The following GLB1 variants were observed in gnomAD, a reference collection of about 807,000 sequenced individuals.
GLB1 encodes the protein galactosidase beta 1, also known as beta-galactosidase.
In GLB1, 56 loss-of-function variants were observed where a neutral mutation model predicts 74.0. That is an observed-to-expected ratio of 0.76 (90% CI 0.61 to 0.94). The LOEUF (loss-of-function observed/expected upper bound fraction) is 0.94, where lower values mean the gene tolerates loss of function less well. Ranked by LOEUF, GLB1 falls within the 40% of genes least tolerant of loss-of-function variation. The pLI is 0.00. For missense variants in GLB1, 787 were observed against 845.5 expected (o/e 0.93, Z 0.86); for synonymous variants, 323 against 323.6 (o/e 1.00, Z 0.02).
At chr3:33,025,220 C>T (rs1697688211) in intron 10 of GLB1, among the ~76,000 whole-genome samples, 1 of 152,234 alleles carries the variant, frequency 6.6e-6, no homozygotes, top group Non-Finnish European at 1.5e-5. Context: ...GCTCGGATTA[C>T]AGGCGTGAGC....
chr3:33,006,675 G>A (rs1192848170), intron 15 of GLB1, among the ~76,000 whole-genome samples: 1 of 152,134 alleles, frequency 6.6e-6, no homozygotes, highest in Non-Finnish European at 1.5e-5. Context: ...ATTCACATCT[G>A]GCATTAACCA....
At chr3:33,064,429 G>C (rs1699579935) in intron 5 of GLB1, among the ~76,000 whole-genome samples, 3 of 114,538 alleles carry the variant, frequency 2.6e-5, no homozygotes, top group African/African-American at 1.0e-4. Context: ...GACAGAGCGA[G>C]ACTCTGTCTC....
At chr3:33,057,062 C>T (rs1027289453) in intron 6 of GLB1, among the ~76,000 whole-genome samples, 3 of 152,182 alleles carry the variant, frequency 2.0e-5, no homozygotes, top group East Asian at 1.9e-4. Flanking sequence ...TGGTGGCAGG[C>T]GACTGGATCG....
intron 10 of GLB1, among the ~76,000 whole-genome samples, chr3:33,044,538 A>T (rs1698664756): frequency 6.6e-6 from 1 of 152,138 alleles, no homozygotes; most frequent in African/African-American, 2.4e-5. Flanking sequence ...ACAAACATAC[A>T]AGGGAGAGCT....
chr3:33,092,120 T>A, intron 1 of GLB1: 1 of 985,556 alleles, frequency 1.0e-6, no homozygotes. Context: ...TAAGCAGCCA[T>A]GTTCTCACCA....
At chr3:33,094,395 A>G in intron 1 of GLB1, 1 of 1,331,370 alleles carries the variant, frequency 7.5e-7, no homozygotes, top group South Asian at 2.5e-5. Context: ...TGCCCAACCC[A>G]CCTTGAATCC....
chr3:32,991,261 G>A, the GLB1 span, among the ~76,000 whole-genome samples: 1 of 152,076 alleles, frequency 6.6e-6, no homozygotes, highest in Non-Finnish European at 1.5e-5. Context: ...GAGACAAAGG[G>A]ATCCAATTCA....
At chr3:33,091,119 G>C (rs1357225622) in intron 1 of GLB1, 1 of 985,296 alleles carries the variant, frequency 1.0e-6, no homozygotes, top group African/African-American at 1.7e-5. Flanking sequence ...CTTAAAGGGA[G>C]TAAGGATGAT....
chr3:33,013,060 G>A (rs770761827), intron 15 of GLB1, among the ~76,000 whole-genome samples: 53 of 152,160 alleles, frequency 3.5e-4, no homozygotes, highest in Non-Finnish European at 6.9e-4. Flanking sequence ...AAACTTTAAC[G>A]TGGCCTATAA....
intron 9 of GLB1, among the ~76,000 whole-genome samples, chr3:33,048,094 CA>C (rs1698815011): frequency 6.6e-6 from 1 of 152,172 alleles, no homozygotes; most frequent in South Asian, 2.1e-4. Flanking sequence ...GCTTGCACCT[CA>C]GGGGCAGAGA....
At chr3:33,014,934 T>C (rs1220169363) in intron 14 of GLB1, among the ~76,000 whole-genome samples, 1 of 152,176 alleles carries the variant, frequency 6.6e-6, no homozygotes, top group Non-Finnish European at 1.5e-5. Flanking sequence ...GCCACTGTAC[T>C]CCAGCCTGGG....
At chr3:33,096,190 G>T in intron 1 of GLB1, 1 of 171,170 alleles carries the variant, frequency 5.8e-6, no homozygotes, top group Non-Finnish European at 1.2e-5. Context: ...CAGAGGAGCA[G>T]CTTGCAACTA....
At chr3:33,091,222 A>G in intron 1 of GLB1, 1 of 985,480 alleles carries the variant, frequency 1.0e-6, no homozygotes, top group Non-Finnish European at 1.2e-6. Flanking sequence ...TTTCAACTCA[A>G]AGATACATTT....
At chr3:32,967,935 C>G in the GLB1 span, among the ~76,000 whole-genome samples, 1 of 152,174 alleles carries the variant, frequency 6.6e-6, no homozygotes, top group African/African-American at 2.4e-5. Context: ...GGCAGGGAAG[C>G]CTGTCCCATA....
At chr3:33,095,891 G>C (rs1575505223) in intron 1 of GLB1, among the ~76,000 whole-genome samples, 1 of 152,174 alleles carries the variant, frequency 6.6e-6, no homozygotes, top group Admixed American at 6.5e-5. Context: ...TACATACTGG[G>C]GTAGGGGAAC....
In GLB1 at chr3:33,093,346, C is replaced by A. The variant is rs751403656; in HGVS notation, c.75+3665G>T. 1 of 1,614,206 alleles carries A rather than the reference C, an allele frequency of 6.2e-7. No individual in the cohort carries two copies. The highest frequency in any genetic ancestry group is 8.5e-7 in the Non-Finnish European group (1 of 1,180,044). ...AGAAGTGCAAACCAGTTGCTGACATCTGACGTGTAGTACTCATGATTGCCT... is the reference window on the plus strand; with the variant it reads ...AGAAGTGCAAACCAGTTGCTGACATATGACGTGTAGTACTCATGATTGCCT... On this transcript the variant is annotated intron_variant, in intron 1 of 15. Coordinates refer to ENST00000307363, the MANE Select transcript of GLB1 (RefSeq NM_000404.4). The surrounding 1 kb of genome is among the most constrained non-coding windows in gnomAD (Gnocchi z 6.0).
At chr3:32,995,637 T>C (rs919777559), downstream of GLB1, among the ~76,000 whole-genome samples, 18 of 151,730 alleles carry the variant, frequency 1.2e-4, no homozygotes, top group African/African-American at 4.4e-4. Flanking sequence ...CAAGAAAACA[T>C]TACAGATTGA....
chr3:33,072,609 C>T lies in GLB1; in HGVS notation c.180G>A (p.Val60=). ...YISGSIHYSR[V]PRFYWKDRLL... Reference sequence around the variant, plus strand: ...GCCGGTCCTTCCAGTAGAAGCGGGGCACACGGGAGTAGTGAATGCTTCCTG... The same window carrying T: ...GCCGGTCCTTCCAGTAGAAGCGGGGTACACGGGAGTAGTGAATGCTTCCTG... Residue 60 remains valine, a synonymous_variant, in exon 2 of 16, where the codon GTG becomes GTA. Coordinates refer to ENST00000307363, the MANE Select transcript of GLB1 (RefSeq NM_000404.4). 6.2e-7 allele frequency: 1 copy of T among 1,614,100 alleles called. No homozygotes were observed. Among genetic ancestry groups the T allele is most frequent in the Middle Eastern group, 1.7e-4 (1 of 5,992 alleles).
chr3:32,992,543 C>G (rs1015670573), downstream of GLB1, among the ~76,000 whole-genome samples: 4 of 152,186 alleles, frequency 2.6e-5, no homozygotes, highest in African/African-American at 9.7e-5. Flanking sequence ...TTTTAAAACC[C>G]CACAAGGTGG....
Sources: gnomAD v4.1 joint callset for allele counts (sites outside exome capture counted in the v4.1 genomes callset) on GRCh38, gnomAD v4.1.1 for gene constraint, Gnocchi (gnomAD v3.1) non-coding constraint, MANE v1.5 for transcripts, NCBI Gene and HGNC (gene_info 2026-07-23, HGNC 2026-07-21) for gene names.